The following RBPMS variants were observed in gnomAD, a reference collection of about 807,000 sequenced individuals.
The protein encoded by RBPMS is RNA-binding protein with multiple splicing.
RBPMS carries 7 observed loss-of-function variants against 26.8 expected under a neutral mutation model. The ratio of observed to expected loss-of-function variants is 0.26; its 90% confidence interval spans 0.15 to 0.49. The LOEUF (loss-of-function observed/expected upper bound fraction) is 0.49. RBPMS is among the 20% of genes least tolerant of loss of function. The pLI, the probability that RBPMS is intolerant of heterozygous loss-of-function variation, is 0.98. For missense variants in RBPMS, 186 were observed against 250.0 expected (o/e 0.74, Z 1.73); for synonymous variants, 96 against 93.3 (o/e 1.03, Z -0.17).
rs77253053 is a variant in RBPMS at position 30,457,583 on chromosome 8, CTT to C, written c.67-17170_67-17169del. Among the ~76,000 whole-genome samples the C allele has an allele frequency of 1.5e-3, 203 of 132,774 alleles. 1 individual carries two copies. The highest frequency in any genetic ancestry group is 5.8e-3 in the African/African-American group (193 of 33,280). The allele number at this position is 132,774 out of a possible 152,430, so 87.1% of individuals were successfully genotyped here. ...TAAGTTTTAGAATTTGATTTACATT[CTT>C]TTTTTTTTTTTTTTTTTTTTTTTTT... On this transcript the variant is annotated intron_variant, in intron 1 of 8. Transcript: ENST00000397323.
chr8:30,441,355 G>A (rs193268895), intron 1 of RBPMS, among the ~76,000 whole-genome samples: 1 of 152,288 alleles, frequency 6.6e-6, no homozygotes, highest in East Asian at 1.9e-4. Context: ...GTCTGTGTGG[G>A]ACTGTGTAGG....
chr8:30,545,792 G>GAC (rs1825820132), intron 6 of RBPMS, among the ~76,000 whole-genome samples: 1 of 152,146 alleles, frequency 6.6e-6, no homozygotes, highest in Non-Finnish European at 1.5e-5. Context: ...GTGCATTGAT[G>GAC]ACCCGGCTTC....
At chr8:30,419,590 G>A (rs1053972134) in intron 1 of RBPMS, among the ~76,000 whole-genome samples, 2 of 151,948 alleles carry the variant, frequency 1.3e-5, no homozygotes, top group African/African-American at 4.8e-5. Context: ...TTCCACACTT[G>A]ACCTCATGTG....
chr8:30,525,365 C>T (rs1170729784), intron 5 of RBPMS, among the ~76,000 whole-genome samples: 1 of 152,196 alleles, frequency 6.6e-6, no homozygotes, highest in Non-Finnish European at 1.5e-5. Flanking sequence ...CCTTCTCCTT[C>T]CTCCTCCTCC....
chr8:30,522,386 T>C (rs1018452829), intron 5 of RBPMS, among the ~76,000 whole-genome samples: 7 of 151,922 alleles, frequency 4.6e-5, no homozygotes, highest in Non-Finnish European at 4.4e-5. Context: ...ATCATGCCAG[T>C]GATCTCAACA....
intron 5 of RBPMS, among the ~76,000 whole-genome samples, chr8:30,520,944 T>A (rs887773523): frequency 1.3e-5 from 2 of 152,072 alleles, no homozygotes; most frequent in Admixed American, 6.6e-5. Context: ...CAGCAGAACA[T>A]GAAATTAAGC....
chr8:30,551,495 C>T (rs1441656037), intron 6 of RBPMS, among the ~76,000 whole-genome samples: 1 of 152,192 alleles, frequency 6.6e-6, no homozygotes, highest in Non-Finnish European at 1.5e-5. Flanking sequence ...CATTACTCTC[C>T]ATTACTCCAT....
At chr8:30,538,020 G>A (rs189100249) in intron 5 of RBPMS, among the ~76,000 whole-genome samples, 87 of 152,308 alleles carry the variant, frequency 5.7e-4, no homozygotes, top group Admixed American at 1.0e-3. Context: ...TTACATTGGA[G>A]TAGAAATCAA....
intron 4 of RBPMS, among the ~76,000 whole-genome samples, chr8:30,484,622 A>G (rs1220515993): frequency 2.6e-5 from 4 of 152,212 alleles, no homozygotes; most frequent in Admixed American, 1.3e-4. Flanking sequence ...AATATATAAG[A>G]TATTAAATTA....
At chr8:30,476,532 A>G (rs965818363) in intron 2 of RBPMS, among the ~76,000 whole-genome samples, 2 of 152,204 alleles carry the variant, frequency 1.3e-5, no homozygotes, top group Non-Finnish European at 2.9e-5. Flanking sequence ...TGAAATGTTT[A>G]TAGTAGCTAA....
chr8:30,529,232 T>A (rs1414625524), intron 5 of RBPMS, among the ~76,000 whole-genome samples: 1 of 151,398 alleles, frequency 6.6e-6, no homozygotes, highest in Non-Finnish European at 1.5e-5. Flanking sequence ...AAAAAAAAAA[T>A]TGTGGTAAAA....
chr8:30,465,500 T>C (rs987234281), intron 1 of RBPMS, among the ~76,000 whole-genome samples: 6 of 152,172 alleles, frequency 3.9e-5, no homozygotes, highest in Non-Finnish European at 7.3e-5. Flanking sequence ...TAAGAAGTCC[T>C]ATCAGGCGGG....
chr8:30,466,697 T>A (rs1321402301), intron 1 of RBPMS, among the ~76,000 whole-genome samples: 1 of 150,804 alleles, frequency 6.6e-6, no homozygotes, highest in Non-Finnish European at 1.5e-5. Context: ...CAGGTTCAGG[T>A]GATTCTCCTG....
intron 4 of RBPMS, among the ~76,000 whole-genome samples, chr8:30,492,812 A>T (rs751952929): frequency 2.0e-5 from 3 of 151,930 alleles, no homozygotes; most frequent in Non-Finnish European, 2.9e-5. Flanking sequence ...TAAGGTTGTG[A>T]TTTCTTTTGT....
intron 4 of RBPMS, among the ~76,000 whole-genome samples, chr8:30,481,055 A>G (rs1016805974): frequency 6.6e-6 from 1 of 152,246 alleles, no homozygotes; most frequent in Non-Finnish European, 1.5e-5. Flanking sequence ...GTGACCTGTC[A>G]TCTGACAAGG....
intron 1 of RBPMS, among the ~76,000 whole-genome samples, chr8:30,388,877 A>G (rs2150535569): frequency 6.6e-6 from 1 of 152,314 alleles, no homozygotes; most frequent in East Asian, 1.9e-4. Flanking sequence ...AAAGCAAAAA[A>G]CGTGGAAGTG....
At chr8:30,417,543 A>C (rs1039964324) in intron 1 of RBPMS, among the ~76,000 whole-genome samples, 44 of 152,178 alleles carry the variant, frequency 2.9e-4, no homozygotes, top group Non-Finnish European at 4.9e-4. Flanking sequence ...AAACATGTAA[A>C]AGTATGGAAG....
intron 5 of RBPMS, among the ~76,000 whole-genome samples, chr8:30,542,724 T>G (rs1825510846): frequency 6.6e-6 from 1 of 152,260 alleles, no homozygotes; most frequent in South Asian, 2.1e-4. Context: ...TGTTTAAAAT[T>G]CAAGGCATTG....
chr8:30,518,674 C>T (rs1041044557), intron 5 of RBPMS, among the ~76,000 whole-genome samples: 3 of 83,572 alleles, frequency 3.6e-5, no homozygotes, highest in African/African-American at 1.3e-4. Context: ...GTGATCCGCC[C>T]GGCCAAGCAT....
Sources: gnomAD v4.1 joint callset for allele counts (sites outside exome capture counted in the v4.1 genomes callset) on GRCh38, gnomAD v4.1.1 for gene constraint, MANE v1.5 for transcripts, NCBI Gene and HGNC (gene_info 2026-07-23, HGNC 2026-07-21) for gene names.